ADK: variants seen among roughly 807,000 people sequenced by gnomAD.
ADK encodes adenosine kinase, also known as N6,N6-dimethyladenosine kinase.
In ADK, 24 loss-of-function variants were observed where a neutral mutation model predicts 44.7. The ratio of observed to expected loss-of-function variants is 0.54; its 90% confidence interval spans 0.39 to 0.76. The LOEUF is 0.76. Among genes scored for constraint, ADK ranks in the 30% least tolerant of loss-of-function variants. ADK has a pLI of 0.00. For missense variants in ADK, 321 were observed against 425.1 expected (o/e 0.76, Z 2.15); for synonymous variants, 128 against 142.6 (o/e 0.90, Z 0.73).
intron 4 of ADK, among the ~76,000 whole-genome samples, chr10:74,386,941 G>GTT (rs10631417): frequency 0.64 from 94,103 of 147,280 alleles, 31,093 homozygotes; most frequent in Middle Eastern, 0.78. Context: ...AGATATTTCA[G>GTT]TTTTTTTTTT....
chr10:74,433,256 CTGTT>C (rs1017304774), intron 6 of ADK, among the ~76,000 whole-genome samples: 10 of 152,202 alleles, frequency 6.6e-5, no homozygotes, highest in Admixed American at 2.6e-4. Context: ...TACTTCCACA[CTGTT>C]TGTTTGGAAA....
intron 9 of ADK, among the ~76,000 whole-genome samples, chr10:74,657,799 G>A (rs1854543045): frequency 6.6e-6 from 1 of 152,186 alleles, no homozygotes; most frequent in African/African-American, 2.4e-5. Context: ...GAAGACATTT[G>A]TAAAGAAGTA....
chr10:74,238,937 T>A (rs1376138789), intron 3 of ADK, among the ~76,000 whole-genome samples: 1 of 142,350 alleles, frequency 7.0e-6, no homozygotes, highest in Non-Finnish European at 1.5e-5. Context: ...CTCAGCTCAC[T>A]GCAACCTCCA....
chr10:74,166,104 G>A (rs959452467), intron 1 of ADK, among the ~76,000 whole-genome samples: 1 of 151,890 alleles, frequency 6.6e-6, no homozygotes, highest in Non-Finnish European at 1.5e-5. Flanking sequence ...CACACCCAGT[G>A]AATTTTTGTA....
At chr10:74,505,513 CCCA>C (rs1057420981) in intron 6 of ADK, among the ~76,000 whole-genome samples, 1 of 150,098 alleles carries the variant, frequency 6.7e-6, no homozygotes, top group African/African-American at 2.5e-5. Flanking sequence ...TCAACTTCCC[CCCA>C]CTTTTTTTTT....
At chr10:74,640,970 TG>T (rs1853821831) in intron 9 of ADK, among the ~76,000 whole-genome samples, 2 of 152,220 alleles carry the variant, frequency 1.3e-5, no homozygotes, top group Admixed American at 1.3e-4. Flanking sequence ...TGTAATACCA[TG>T]GGAAAAAGAT....
At position 74,450,540 on chromosome 10, in the gene ADK, G is replaced by A. The variant is rs1845737685; in HGVS notation, c.555+51961G>A. Among the ~76,000 whole-genome samples the A allele has an allele frequency of 2.0e-5, 3 of 152,198 alleles. No homozygotes were observed. In the South Asian group the frequency reaches 6.2e-4, roughly 32 times the overall value. ...ACAGAAGAGATCCAAATTTAATTTTGTAATAAATCACCTCTGAGAATAATA... is the reference window on the plus strand; with the variant it reads ...ACAGAAGAGATCCAAATTTAATTTTATAATAAATCACCTCTGAGAATAATA... On this transcript the variant is annotated intron_variant, in intron 6 of 10. Transcript: ENST00000539909.
rs1564642251 is a variant in ADK at position 74,302,101 on chromosome 10, GTTTGTTTGTTTTTT to G, written c.195-12562_195-12549del. On this transcript the variant is annotated intron_variant, in intron 3 of 10. Transcript: ENST00000539909. ...TTCTTTTCTTTTCTGTTTTTTTTTT[GTTTGTTTGTTTTTT>G]TTTTTTTTTTTTTTTTTTTTTTTTT... Among the ~76,000 whole-genome samples the G allele has an allele frequency of 5.3e-3, 62 of 11,684 alleles. 4 individuals are homozygous for G. The highest frequency in any genetic ancestry group is 0.016 in the African/African-American group (55 of 3,524). The allele number at this position is 11,684 out of a possible 152,430, so 7.7% of individuals were successfully genotyped here.
intron 9 of ADK, among the ~76,000 whole-genome samples, chr10:74,648,088 G>A (rs1167552355): frequency 6.6e-6 from 1 of 151,238 alleles, no homozygotes; most frequent in East Asian, 1.9e-4. Context: ...GTATATATAT[G>A]TATATATATA....
At chr10:74,217,838 A>G (rs1354620566) in intron 2 of ADK, among the ~76,000 whole-genome samples, 1 of 152,102 alleles carries the variant, frequency 6.6e-6, no homozygotes, top group Non-Finnish European at 1.5e-5. Context: ...AAACTAACAA[A>G]CAGAAAGGAC....
intron 10 of ADK, among the ~76,000 whole-genome samples, chr10:74,672,517 A>G (rs1038780017): frequency 3.9e-5 from 6 of 152,248 alleles, no homozygotes; most frequent in African/African-American, 1.4e-4. Flanking sequence ...GAAAGCAGGT[A>G]GAAACTAGGC....
intron 7 of ADK, among the ~76,000 whole-genome samples, chr10:74,526,456 A>G (rs949328437): frequency 6.6e-6 from 1 of 152,194 alleles, no homozygotes; most frequent in African/African-American, 2.4e-5. Flanking sequence ...ATGTCACTTG[A>G]TGGTTTAATG....
At chr10:74,584,365 A>G (rs1233468305) in intron 7 of ADK, among the ~76,000 whole-genome samples, 7 of 152,178 alleles carry the variant, frequency 4.6e-5, no homozygotes, top group African/African-American at 1.4e-4. Flanking sequence ...GAAGAAATTG[A>G]TGTACTGAGT....
At chr10:74,493,475 TAGAGAGATATATAGATATAG>T (rs1847564936) in intron 6 of ADK, among the ~76,000 whole-genome samples, 1 of 151,188 alleles carries the variant, frequency 6.6e-6, no homozygotes, top group Non-Finnish European at 1.5e-5. Context: ...GAGATATATA[TAGAGAGATATATAGATATAG>T]AGAGAGATAT....
intron 3 of ADK, among the ~76,000 whole-genome samples, chr10:74,268,363 T>A (rs1192798741): frequency 6.6e-6 from 1 of 152,090 alleles, no homozygotes; most frequent in Non-Finnish European, 1.5e-5. Context: ...ACTTTTTTTT[T>A]TTTTTGGCTA....
intron 6 of ADK, among the ~76,000 whole-genome samples, chr10:74,484,312 T>C (rs187596150): frequency 1.1e-4 from 17 of 152,226 alleles, no homozygotes; most frequent in African/African-American, 4.1e-4. Flanking sequence ...CATTGAGAAC[T>C]CGCTCATTAT....
At chr10:74,517,895 T>C (rs1848656093) in intron 6 of ADK, among the ~76,000 whole-genome samples, 2 of 152,206 alleles carry the variant, frequency 1.3e-5, no homozygotes, top group Non-Finnish European at 2.9e-5. Context: ...TGCTGTCGTT[T>C]GTGTGAAATA....
chr10:74,175,308 C>T lies in ADK; in HGVS notation c.65+23965C>T, dbSNP rs372198503. 3.3e-4 allele frequency among the ~76,000 whole-genome samples: 50 copies of T among 150,786 alleles called. 1 individual carries two copies. The Middle Eastern group carries it at 0.01, about 31-fold the overall frequency. ...CTGAGGCACAAGAATCGCTTGAACCCAGGAGGCAGAGGTTGGAGATCGCAC... is the reference window on the plus strand; with the variant it reads ...CTGAGGCACAAGAATCGCTTGAACCTAGGAGGCAGAGGTTGGAGATCGCAC... On this transcript the variant is annotated intron_variant, in intron 1 of 10. Coordinates refer to ENST00000539909, the MANE Select transcript of ADK (RefSeq NM_006721.4).
intron 4 of ADK, among the ~76,000 whole-genome samples, chr10:74,355,890 G>A (rs1019536040): frequency 7.3e-5 from 11 of 151,256 alleles, no homozygotes; most frequent in South Asian, 2.1e-4. Context: ...AAGCAAATGA[G>A]CATATTTGCC....
Sources: allele counts gnomAD v4.1 joint callset (sites outside exome capture counted in the v4.1 genomes callset), GRCh38; gene constraint gnomAD v4.1.1; transcripts MANE v1.5; gene names NCBI Gene and HGNC (gene_info 2026-07-23, HGNC 2026-07-21).